Variants in DRD3 observed in about 807,000 individuals in gnomAD.
DRD3 encodes the protein dopamine receptor D3, also known as D(3) dopamine receptor.
In DRD3, 19 loss-of-function variants were observed where a neutral mutation model predicts 36.3. The observed-to-expected ratio is 0.52, with a 90% CI of 0.36 to 0.77. The LOEUF (loss-of-function observed/expected upper bound fraction) is 0.77, where lower values mean the gene tolerates loss of function less well. Among genes scored for constraint, DRD3 ranks in the 30% least tolerant of loss-of-function variants. The probability of loss-of-function intolerance (pLI) is 0.00; values close to 1 mark genes in which losing one functional copy is unlikely to be tolerated. For missense variants in DRD3, 465 were observed against 505.3 expected (o/e 0.92, Z 0.77); for synonymous variants, 195 against 203.7 (o/e 0.96, Z 0.36).
intron 6 of DRD3, 117 bp from the exon 7 acceptor site, chr3:114,129,029 A>G (rs2077403196): frequency 2.7e-6 from 3 of 1,127,710 alleles, no homozygotes; most frequent in Non-Finnish European, 3.7e-6. Context: ...GAAGTTTTGC[A>G]TACCCACTTA....
rs767707405 is a variant in DRD3 at position 114,128,683 on chromosome 3, A to G, written c.*33T>C. Reference sequence around the variant, plus strand: ...TGGGCCAACAGCCTGGCAGCTAGAAATGGGTACAAAGAGTGTTCCCTCTTC... The same window carrying G: ...TGGGCCAACAGCCTGGCAGCTAGAAGTGGGTACAAAGAGTGTTCCCTCTTC... On this transcript the variant is annotated 3_prime_UTR_variant, in exon 7 of 7. Transcript: ENST00000383673. The G allele has an allele frequency of 2.0e-6, 3 of 1,527,004 alleles. No homozygotes were observed. In the South Asian group the frequency reaches 3.9e-5, roughly 20 times the overall value. The allele number at this position is 1,527,004 out of a possible 1,614,324, so 94.6% of individuals were successfully genotyped here.
chr3:114,150,829 C>A (rs1473829531), intron 3 of DRD3, among the ~76,000 whole-genome samples: 1 of 152,154 alleles, frequency 6.6e-6, no homozygotes, highest in African/African-American at 2.4e-5. Flanking sequence ...CTCCTATGCG[C>A]CAGCACTGCC....
chr3:114,134,272 AT>A (rs970279568), intron 5 of DRD3, among the ~76,000 whole-genome samples: 1 of 152,088 alleles, frequency 6.6e-6, no homozygotes, highest in Non-Finnish European at 1.5e-5. Context: ...TTTATTTATT[AT>A]TTTTAGTAGA....
At position 114,144,933 on chromosome 3, in the gene DRD3, C is replaced by A. The variant is rs1042569792; in HGVS notation, c.526+2482G>T. Among the ~76,000 whole-genome samples the A allele has an allele frequency of 2.0e-5, 3 of 152,120 alleles. No homozygotes were observed. The East Asian group carries it at 5.8e-4, about 29-fold the overall frequency. ...ACTTTCCTGAATTTTGTTTCTGGAACAATAATGATCTCACTGGGGGCAACA... is the reference window on the plus strand; with the variant it reads ...ACTTTCCTGAATTTTGTTTCTGGAAAAATAATGATCTCACTGGGGGCAACA... On this transcript the variant is annotated intron_variant, in intron 4 of 6. Coordinates refer to ENST00000383673, the MANE Select transcript of DRD3 (RefSeq NM_000796.6).
At chr3:114,198,454 T>C (rs965967389) in intron 1 of DRD3, among the ~76,000 whole-genome samples, 1 of 152,136 alleles carries the variant, frequency 6.6e-6, no homozygotes, top group Non-Finnish European at 1.5e-5. Flanking sequence ...TAATTTCAAT[T>C]TCCAATTGCT....
chr3:114,133,107 C>T (rs1323266299), intron 5 of DRD3, among the ~76,000 whole-genome samples: 1 of 152,016 alleles, frequency 6.6e-6, no homozygotes, highest in African/African-American at 2.4e-5. Flanking sequence ...TCTCCTGCCT[C>T]AGCCTCCCAA....
intron 2 of DRD3, among the ~76,000 whole-genome samples, chr3:114,171,500 T>G (rs1424947063): frequency 1.3e-5 from 2 of 152,124 alleles, no homozygotes; most frequent in African/African-American, 4.8e-5. Flanking sequence ...TGGAGACCCA[T>G]GAACAGAATC....
At chr3:114,174,243 A>G (rs1433927802) in intron 1 of DRD3, among the ~76,000 whole-genome samples, 1 of 152,220 alleles carries the variant, frequency 6.6e-6, no homozygotes, top group Non-Finnish European at 1.5e-5. Context: ...GGATATTCCC[A>G]CTTTTAAGGC....
chr3:114,169,446 G>T (rs112844494), intron 2 of DRD3, among the ~76,000 whole-genome samples: 17 of 151,574 alleles, frequency 1.1e-4, no homozygotes, highest in African/African-American at 4.1e-4. Context: ...TTCCTTGTGT[G>T]AATATAGATT....
rs898014689 is a variant in DRD3 at position 114,157,850 on chromosome 3, C to A, written c.383+1905G>T. 1.6e-4 allele frequency among the ~76,000 whole-genome samples: 25 copies of A among 152,234 alleles called. 1 individual carries two copies. Among genetic ancestry groups the A allele is most frequent in the African/African-American group, 5.1e-4 (21 of 41,558 alleles). ...AGGCACAGTGGCTCACACGTGTAAT[C>A]CCAGCACTTTGGGAGTTTGAGGCGG... On this transcript the variant is annotated intron_variant, in intron 3 of 6. Transcript: ENST00000383673.
chr3:114,172,520 C>T (rs2077856587), intron 1 of DRD3, among the ~76,000 whole-genome samples: 1 of 152,132 alleles, frequency 6.6e-6, no homozygotes, highest in African/African-American at 2.4e-5. Flanking sequence ...AGGAGGGAGT[C>T]TGGTGAGGCT....
intron 1 of DRD3, among the ~76,000 whole-genome samples, chr3:114,194,390 C>G (rs1407441892): frequency 1.3e-5 from 2 of 152,166 alleles, no homozygotes; most frequent in Non-Finnish European, 1.5e-5. Flanking sequence ...TCAGGCGATC[C>G]TCCTGCCTCA....
intron 4 of DRD3, among the ~76,000 whole-genome samples, chr3:114,144,211 C>A (rs936889891): frequency 1.3e-5 from 2 of 152,248 alleles, no homozygotes; most frequent in African/African-American, 4.8e-5. Context: ...TGAAGTTCAA[C>A]TTTTCTGTAT....
At chr3:114,197,711 A>G (rs1283783739) in intron 1 of DRD3, among the ~76,000 whole-genome samples, 1 of 152,246 alleles carries the variant, frequency 6.6e-6, no homozygotes, top group Non-Finnish European at 1.5e-5. Flanking sequence ...TTCTTTCACC[A>G]TTGAATTGCC....
At chr3:114,162,989 A>C (rs2077747876) in intron 2 of DRD3, among the ~76,000 whole-genome samples, 1 of 152,172 alleles carries the variant, frequency 6.6e-6, no homozygotes, top group Admixed American at 6.5e-5. Context: ...AGACAGTTTT[A>C]TTTAATACCC....
intron 2 of DRD3, among the ~76,000 whole-genome samples, chr3:114,161,991 A>T (rs1405860086): frequency 6.6e-6 from 1 of 152,262 alleles, no homozygotes; most frequent in Non-Finnish European, 1.5e-5. Flanking sequence ...TTAGGATAAC[A>T]GCAAACTTCA....
chr3:114,167,261 G>A (rs902639476), intron 2 of DRD3, among the ~76,000 whole-genome samples: 30 of 152,102 alleles, frequency 2.0e-4, no homozygotes, highest in East Asian at 5.8e-4. Flanking sequence ...TCCCCTGGCC[G>A]CTTATACTGC....
At chr3:114,186,186 G>A (rs1409253855) in intron 1 of DRD3, among the ~76,000 whole-genome samples, 1 of 152,156 alleles carries the variant, frequency 6.6e-6, no homozygotes, top group East Asian at 1.9e-4. Context: ...CTTCCAAAAG[G>A]TGGAAATAGA....
intron 2 of DRD3, among the ~76,000 whole-genome samples, chr3:114,170,952 G>C (rs937332756): frequency 6.6e-6 from 1 of 152,070 alleles, no homozygotes; most frequent in Admixed American, 6.6e-5. Context: ...GAACAGATAT[G>C]GTCACCCTGA....
Sources: gnomAD v4.1 joint callset for allele counts (sites outside exome capture counted in the v4.1 genomes callset) on GRCh38, gnomAD v4.1.1 for gene constraint, MANE v1.5 for transcripts, NCBI Gene and HGNC (gene_info 2026-07-23, HGNC 2026-07-21) for gene names.